Variants in COL22A1 observed in about 807,000 individuals in gnomAD.
The protein encoded by COL22A1 is collagen alpha-1(XXII) chain.
Under a neutral mutation model 248.9 loss-of-function variants are expected in COL22A1, and 221 were observed. That is an observed-to-expected ratio of 0.89 (90% CI 0.80 to 0.99). The LOEUF (loss-of-function observed/expected upper bound fraction) is 0.99, where lower values mean the gene tolerates loss of function less well. Among genes scored for constraint, COL22A1 ranks in the 50% least tolerant of loss-of-function variants. The probability of loss-of-function intolerance (pLI) is 0.00; values close to 1 mark genes in which losing one functional copy is unlikely to be tolerated. For synonymous variants in COL22A1, 891 were observed against 793.4 expected (o/e 1.12, Z -2.07); for missense variants, 2,240 against 2,179.0 (o/e 1.03, Z -0.56).
At chr8:138,698,110 G>A (rs1396893207) in intron 32 of COL22A1, among the ~76,000 whole-genome samples, 2 of 152,182 alleles carry the variant, frequency 1.3e-5, no homozygotes, top group Non-Finnish European at 2.9e-5. Flanking sequence ...ATGTAGGCTT[G>A]TCTCAACCCC....
At chr8:138,640,513 C>T (rs1587737193) in intron 47 of COL22A1, among the ~76,000 whole-genome samples, 1 of 152,078 alleles carries the variant, frequency 6.6e-6, no homozygotes, top group Non-Finnish European at 1.5e-5. Flanking sequence ...CTAACTAACC[C>T]TCCAATGCAA....
intron 31 of COL22A1, among the ~76,000 whole-genome samples, chr8:138,700,751 A>G (rs1037108012): frequency 3.9e-5 from 6 of 152,132 alleles, no homozygotes; most frequent in Admixed American, 3.3e-4. Flanking sequence ...TTGGGAGGCC[A>G]AGGCGGGCGG....
intron 30 of COL22A1, among the ~76,000 whole-genome samples, chr8:138,713,713 C>CA (rs1554598518): frequency 7.3e-5 from 1 of 13,740 alleles, no homozygotes; most frequent in African/African-American, 1.2e-4. Context: ...TGAGTCCACC[C>CA]CCACCGCCCC....
intron 3 of COL22A1, among the ~76,000 whole-genome samples, chr8:138,863,014 G>C (rs1310908310): frequency 1.3e-5 from 2 of 152,208 alleles, no homozygotes; most frequent in Admixed American, 1.3e-4. Context: ...GCAAACACAA[G>C]AATTCAAGCC....
intron 12 of COL22A1, among the ~76,000 whole-genome samples, chr8:138,786,133 C>T (rs2131556950): frequency 1.3e-5 from 2 of 152,302 alleles, no homozygotes; most frequent in South Asian, 4.1e-4. Context: ...GTCAACCTAA[C>T]TTCAGAATTG....
intron 18 of COL22A1, among the ~76,000 whole-genome samples, chr8:138,756,605 C>G (rs890175818): frequency 2.0e-5 from 3 of 152,080 alleles, no homozygotes; most frequent in African/African-American, 7.2e-5. Flanking sequence ...GCTCAGGGAG[C>G]ATGGGAAACA....
intron 41 of COL22A1, among the ~76,000 whole-genome samples, chr8:138,668,702 T>C (rs4527924): frequency 0.74 from 112,894 of 151,828 alleles, 42,571 homozygotes; most frequent in Non-Finnish European, 0.82. Context: ...CTCACATGTG[T>C]GCAGGCCTAG....
intron 36 of COL22A1, 140 bp downstream of exon 36, chr8:138,690,681 G>C: frequency 1.6e-6 from 1 of 629,252 alleles, no homozygotes; most frequent in Non-Finnish European, 2.6e-6. Context: ...TCTATGTCAG[G>C]ACAGCAGTGT....
At chr8:138,829,351 T>C (rs771891069) in intron 5 of COL22A1, among the ~76,000 whole-genome samples, 1 of 151,824 alleles carries the variant, frequency 6.6e-6, no homozygotes, top group Non-Finnish European at 1.5e-5. Context: ...CAGATCAGTA[T>C]GCTGCTTTGT....
intron 44 of COL22A1, among the ~76,000 whole-genome samples, chr8:138,656,438 T>C (rs771894102): frequency 6.6e-6 from 1 of 152,238 alleles, no homozygotes; most frequent in Non-Finnish European, 1.5e-5. Context: ...TTTGTCATTA[T>C]GGCTTAAAAG....
At chr8:138,610,212 G>A (rs1818750334) in intron 56 of COL22A1, among the ~76,000 whole-genome samples, 1 of 152,190 alleles carries the variant, frequency 6.6e-6, no homozygotes. Context: ...CACAGGGTTT[G>A]GGGAGAAAAT....
Position 138,878,113 on chromosome 8 carries a change from C to T in COL22A1, c.295G>A (p.Glu99Lys). ...CGCCGGGCAGCCGCCTTGACCTCCT[C>T]CTGCGAGCCAAAGAGTCCCAACTCG... ...AFELGLFGSQEEVKAAARRLA... is the reference protein window; with the variant it reads ...AFELGLFGSQKEVKAAARRLA... Residue 99 changes from glutamate (E) to lysine (K), a missense_variant, in exon 3 of 65, where the codon GAG becomes AAG. Coordinates refer to ENST00000303045, the MANE Select transcript of COL22A1 (RefSeq NM_152888.3). 1 of 1,604,032 alleles carries T rather than the reference C, an allele frequency of 6.2e-7. No individual in the cohort carries two copies. Among genetic ancestry groups the T allele is most frequent in the Non-Finnish European group, 8.5e-7 (1 of 1,176,198 alleles).
At chr8:138,849,859 A>G (rs1460599257) in intron 3 of COL22A1, among the ~76,000 whole-genome samples, 1 of 151,986 alleles carries the variant, frequency 6.6e-6, no homozygotes, top group African/African-American at 2.4e-5. Flanking sequence ...CTTAACCACT[A>G]TCCACAATCT....
Position 138,796,707 on chromosome 8 carries a change from T to C in COL22A1, c.1596+112A>G, listed in dbSNP as rs892092993. The C allele has an allele frequency of 3.0e-5, 24 of 805,134 alleles. No homozygotes were observed. In the East Asian group the frequency reaches 5.8e-4, roughly 20 times the overall value. 49.9% of individuals were successfully genotyped at this position (805,134 alleles called of 1,614,324 possible). Reference sequence around the variant, plus strand: ...CAGTTACACAGCCCAGGACACCTCTTTTCCCCCACTCGAATTCTTTCCAGG... The same window carrying C: ...CAGTTACACAGCCCAGGACACCTCTCTTCCCCCACTCGAATTCTTTCCAGG... On this transcript the variant is annotated intron_variant, in intron 12 of 64. Coordinates refer to ENST00000303045, the MANE Select transcript of COL22A1 (RefSeq NM_152888.3).
intron 7 of COL22A1, among the ~76,000 whole-genome samples, chr8:138,818,872 CAG>C (rs1305041949): frequency 6.6e-6 from 1 of 152,140 alleles, no homozygotes; most frequent in Non-Finnish European, 1.5e-5. Context: ...TAAAAACAAA[CAG>C]GGTGTGATTC....
chr8:138,725,542 A>C, intron 23 of COL22A1, 102 bp from the exon 24 acceptor site: 1 of 901,308 alleles, frequency 1.1e-6, no homozygotes, highest in Non-Finnish European at 1.7e-6. Context: ...CAGGAGGATG[A>C]GGTGGGATTT....
chr8:138,664,280 T>C (rs902781536), intron 41 of COL22A1, among the ~76,000 whole-genome samples: 4 of 149,118 alleles, frequency 2.7e-5, no homozygotes, highest in African/African-American at 9.9e-5. Flanking sequence ...CAGACATGGG[T>C]CTGGCATCCT....
intron 43 of COL22A1, among the ~76,000 whole-genome samples, chr8:138,661,481 C>T (rs72727872): frequency 0.11 from 16,203 of 152,218 alleles, 1,233 homozygotes; most frequent in African/African-American, 0.21. Context: ...GCCTGGCACG[C>T]TGCTGGGCAC....
intron 3 of COL22A1, among the ~76,000 whole-genome samples, chr8:138,844,677 G>T (rs529423654): frequency 2.8e-4 from 43 of 152,082 alleles, no homozygotes; most frequent in African/African-American, 9.4e-4. Context: ...ATGTCCGGGC[G>T]CGGTGGCTCA....
Sources: gnomAD v4.1 joint callset for allele counts (sites outside exome capture counted in the v4.1 genomes callset) on GRCh38, gnomAD v4.1.1 for gene constraint, MANE v1.5 for transcripts, NCBI Gene and HGNC (gene_info 2026-07-23, HGNC 2026-07-21) for gene names.